Variants in CRPPA observed in about 807,000 individuals in gnomAD.
CRPPA encodes the protein CDP-L-ribitol pyrophosphorylase A, also known as D-ribitol-5-phosphate cytidylyltransferase.
A neutral mutation model predicts 52.0 loss-of-function variants in CRPPA; 43 were observed. The observed-to-expected ratio is 0.83, with a 90% confidence interval of 0.65 to 1.07. The LOEUF is 1.07. Among genes scored for constraint, CRPPA ranks in the 50% least tolerant of loss-of-function variants. The pLI is 0.00. For missense variants in CRPPA, 629 were observed against 551.7 expected (o/e 1.14, Z -1.40); for synonymous variants, 250 against 203.5 (o/e 1.23, Z -1.94).
chr7:16,375,050 A>C (rs1786846173), intron 3 of CRPPA, among the ~76,000 whole-genome samples: 3 of 152,180 alleles, frequency 2.0e-5, no homozygotes, highest in African/African-American at 7.2e-5. Flanking sequence ...ACAGAATGGC[A>C]ATTAGACATC....
chr7:16,166,041 A>G (rs1042336553), intron 9 of CRPPA, among the ~76,000 whole-genome samples: 2 of 152,228 alleles, frequency 1.3e-5, no homozygotes, highest in African/African-American at 4.8e-5. Flanking sequence ...TGAACATTTT[A>G]TGGCTACCCC....
chr7:16,374,320 C>T (rs1786824418), intron 3 of CRPPA, among the ~76,000 whole-genome samples: 1 of 152,156 alleles, frequency 6.6e-6, no homozygotes, highest in Admixed American at 6.5e-5. Flanking sequence ...CATCAGACAA[C>T]AGGCTCTTCA....
intron 9 of CRPPA, among the ~76,000 whole-genome samples, chr7:16,100,786 G>A (rs1782028477): frequency 6.6e-6 from 1 of 152,158 alleles, no homozygotes; most frequent in African/African-American, 2.4e-5. Context: ...TTGGCTGTGG[G>A]TTTGTCATAC....
At chr7:16,260,164 T>C (rs757705676) in intron 6 of CRPPA, among the ~76,000 whole-genome samples, 3 of 152,066 alleles carry the variant, frequency 2.0e-5, no homozygotes, top group Non-Finnish European at 4.4e-5. Flanking sequence ...TTTTCAAAAG[T>C]CCTTCATGTA....
intron 4 of CRPPA, among the ~76,000 whole-genome samples, chr7:16,304,196 C>A (rs1784855544): frequency 6.6e-6 from 1 of 152,238 alleles, no homozygotes; most frequent in Middle Eastern, 3.4e-3. Context: ...CAAAGCAAGA[C>A]TACTCCAGGA....
In CRPPA at chr7:16,321,377, G is replaced by A. The variant is rs537758790; in HGVS notation, c.685-12750C>T. 1.4e-4 allele frequency among the ~76,000 whole-genome samples: 22 copies of A among 151,970 alleles called. No homozygotes were observed. In the East Asian group the frequency reaches 1.7e-3, roughly 12 times the overall value. ...AAATTAAAATATTTCCCTAACACACGAATTATTAACCTTATATGACAACAC... is the reference window on the plus strand; with the variant it reads ...AAATTAAAATATTTCCCTAACACACAAATTATTAACCTTATATGACAACAC... On this transcript the variant is annotated intron_variant, in intron 3 of 9. Transcript: ENST00000407010.
intron 3 of CRPPA, among the ~76,000 whole-genome samples, chr7:16,312,668 C>G (rs1785059201): frequency 6.6e-6 from 1 of 151,938 alleles, no homozygotes. Context: ...TTGTTCTTGA[C>G]CTTACCAGGA....
chr7:16,359,325 A>G (rs1786383355), intron 3 of CRPPA, among the ~76,000 whole-genome samples: 2 of 152,172 alleles, frequency 1.3e-5, no homozygotes, highest in Admixed American at 1.3e-4. Context: ...CCCCTAAATA[A>G]TGGCATCATT....
At chr7:16,362,075 C>T (rs1283505014) in intron 3 of CRPPA, among the ~76,000 whole-genome samples, 1 of 152,090 alleles carries the variant, frequency 6.6e-6, no homozygotes, top group African/African-American at 2.4e-5. Flanking sequence ...AGGATGGTCT[C>T]GATCTCCTGA....
intron 9 of CRPPA, among the ~76,000 whole-genome samples, chr7:16,145,937 G>A (rs977438948): frequency 5.9e-5 from 9 of 152,058 alleles, no homozygotes; most frequent in East Asian, 3.9e-4. Context: ...CCAATGTCTC[G>A]GAAGGGAATT....
At chr7:16,384,311 T>A (rs1019254550) in intron 2 of CRPPA, among the ~76,000 whole-genome samples, 1 of 152,204 alleles carries the variant, frequency 6.6e-6, no homozygotes, top group Non-Finnish European at 1.5e-5. Context: ...GAGATCATCA[T>A]GGTAAGCAAT....
At chr7:16,275,068 A>G (rs1005560664) in intron 6 of CRPPA, among the ~76,000 whole-genome samples, 1 of 151,990 alleles carries the variant, frequency 6.6e-6, no homozygotes, top group Non-Finnish European at 1.5e-5. Context: ...TGAGTGAGAC[A>G]GTGTCTAAAA....
intron 9 of CRPPA, among the ~76,000 whole-genome samples, chr7:16,168,183 G>T (rs1456489045): frequency 6.6e-6 from 1 of 151,976 alleles, no homozygotes; most frequent in Admixed American, 6.6e-5. Flanking sequence ...TACAAACATG[G>T]GTCAATATTT....
intron 8 of CRPPA, among the ~76,000 whole-genome samples, chr7:16,240,826 T>C (rs953331711): frequency 3.3e-5 from 5 of 152,168 alleles, no homozygotes; most frequent in Non-Finnish European, 7.4e-5. Context: ...GGATCTGGTA[T>C]TAAATTTAAC....
At position 16,106,201 on chromosome 7, in the gene CRPPA, G is replaced by A. The variant is rs190081468; in HGVS notation, c.1252-14402C>T. On this transcript the variant is annotated intron_variant, in intron 9 of 9. Coordinates refer to ENST00000407010, the MANE Select transcript of CRPPA (RefSeq NM_001101426.4). ...ATAAGAGCTAGACCTGCTTGACCAC[G>A]GAAGTCAAACAGCCACTCAATTCTG... Among the ~76,000 whole-genome samples the A allele has an allele frequency of 2.9e-3, 435 of 152,188 alleles. 2 individuals carry two copies. The highest frequency in any genetic ancestry group is 9.2e-3 in the African/African-American group (383 of 41,512).
In CRPPA at chr7:16,262,968, AGG is replaced by A. The variant is rs1583476375; in HGVS notation, c.934-3958_934-3957del. Among the ~76,000 whole-genome samples, 7 of 152,322 alleles carry A rather than the reference AGG, an allele frequency of 4.6e-5. No individual in the cohort carries two copies. The East Asian group carries it at 1.3e-3, about 29-fold the overall frequency. ...TCTATTGTTTTTAAAGCAATGGAGA[AGG>A]AAGATTTTATGAATGATCTTTATCA... On this transcript the variant is annotated intron_variant, in intron 6 of 9. Coordinates refer to ENST00000407010, the MANE Select transcript of CRPPA (RefSeq NM_001101426.4).
intron 2 of CRPPA, among the ~76,000 whole-genome samples, chr7:16,397,031 C>T (rs114589356): frequency 6.6e-6 from 1 of 151,956 alleles, no homozygotes; most frequent in Non-Finnish European, 1.5e-5. Context: ...TGTGCCAGAA[C>T]AAATGTGTAA....
At chr7:16,296,603 C>A (rs1164571239) in intron 5 of CRPPA, among the ~76,000 whole-genome samples, 1 of 151,140 alleles carries the variant, frequency 6.6e-6, no homozygotes, top group Non-Finnish European at 1.5e-5. Context: ...TAAAAAAAAA[C>A]AAACATGAAG....
chr7:16,335,780 G>A (rs538551688), intron 3 of CRPPA, among the ~76,000 whole-genome samples: 28 of 152,244 alleles, frequency 1.8e-4, no homozygotes, highest in African/African-American at 6.7e-4. Flanking sequence ...GAAGCTCAGA[G>A]ATTACCAGTC....
Sources: gnomAD v4.1 joint callset for allele counts (sites outside exome capture counted in the v4.1 genomes callset) on GRCh38, gnomAD v4.1.1 for gene constraint, MANE v1.5 for transcripts, NCBI Gene and HGNC (gene_info 2026-07-23, HGNC 2026-07-21) for gene names.